The following KLHDC4 variants were observed in gnomAD, a reference collection of about 807,000 sequenced individuals.
The protein encoded by KLHDC4 is kelch domain containing 4.
Under a neutral mutation model 62.4 loss-of-function variants are expected in KLHDC4, and 90 were observed. That is an observed-to-expected ratio of 1.44 (90% CI 1.22 to 1.72). The LOEUF is 1.72. KLHDC4 is among the 40% of genes most tolerant of loss of function. The probability of loss-of-function intolerance (pLI) is 0.00; values close to 1 mark genes in which losing one functional copy is unlikely to be tolerated. For missense variants in KLHDC4, 1,025 were observed against 699.7 expected, an observed-to-expected ratio of 1.47 and a Z score of -5.25; for synonymous variants, 386 against 284.4, an observed-to-expected ratio of 1.36 and a Z score of -3.59.
rs770917413 is a variant in KLHDC4, at chr16:87,709,491, C to T, written c.1221G>A (p.Ser407=). 8.1e-6 allele frequency: 13 copies of T among 1,611,664 alleles called. No individual in the cohort carries two copies. Among genetic ancestry groups the T allele is most frequent in the South Asian group, 4.4e-5 (4 of 91,064 alleles). ...CGTCCTCAGACCGGGGCTGCCCCGC[C>T]GAGCCTGGCGCGGTGAGCACCTGCT... ...TIKQVLTAPG[S]AGQPRSEDED... The change falls in exon 10 of 12, where the codon TCG becomes TCA. Residue 407 remains serine, a synonymous_variant. Transcript: ENST00000270583.
chr16:87,752,167 G>A (rs1339847455), intron 4 of KLHDC4, among the ~76,000 whole-genome samples: 1 of 148,568 alleles, frequency 6.7e-6, no homozygotes, highest in Non-Finnish European at 1.5e-5. Flanking sequence ...AGCTCTCAGG[G>A]AAGCAGAGGC....
rs778785505 is a variant in KLHDC4 at position 87,730,524 on chromosome 16, GAA to G, written c.599+26_599+27del. 4 of 1,574,054 alleles carry G rather than the reference GAA, an allele frequency of 2.5e-6. No individual in the cohort carries two copies. The Admixed American group carries it at 5.5e-5, about 22-fold the overall frequency. On this transcript the variant is annotated intron_variant, in intron 6 of 11. Transcript: ENST00000270583. Reference sequence around the variant, plus strand: ...GCCCACTCCTTAATGCTTCAGGAGAGAAAGATTTTTCCGTTCTTGGTACCAAC... The same window carrying G: ...GCCCACTCCTTAATGCTTCAGGAGAGAGATTTTTCCGTTCTTGGTACCAAC...
intron 3 of KLHDC4, chr16:87,756,030 C>G: frequency 5.7e-6 from 1 of 176,496 alleles, no homozygotes; most frequent in Admixed American, 5.5e-5. Context: ...TAAAAATTAG[C>G]CCTAAAATTT....
Position 87,708,340 on chromosome 16 carries a change from G to A in KLHDC4, c.*1+10C>T, listed in dbSNP as rs538822126. 3 of 1,559,612 alleles carry A rather than the reference G, an allele frequency of 1.9e-6. No individual in the cohort carries two copies. The highest frequency in any genetic ancestry group is 1.1e-5 in the South Asian group (1 of 87,344). Reference sequence around the variant, plus strand: ...GCAGCCGCGCCACCCGCCAGCCCGAGCCCGCTCACCTCAGTCCTCCGCACC... The same window carrying A: ...GCAGCCGCGCCACCCGCCAGCCCGAACCCGCTCACCTCAGTCCTCCGCACC... On this transcript the variant is annotated intron_variant, in intron 11 of 11. Coordinates refer to ENST00000270583, the MANE Select transcript of KLHDC4 (RefSeq NM_017566.4).
chr16:87,704,524 A>C (rs1288442224), downstream of KLHDC4, among the ~76,000 whole-genome samples: 3 of 80,272 alleles, frequency 3.7e-5, no homozygotes, highest in Admixed American at 4.4e-4. Context: ...GCGCCTGGGG[A>C]GGGCCCTGGG....
At chr16:87,713,552 G>C (rs2036308836) in intron 8 of KLHDC4, among the ~76,000 whole-genome samples, 1 of 152,066 alleles carries the variant, frequency 6.6e-6, no homozygotes, top group African/African-American at 2.4e-5. Flanking sequence ...AAAAGTAGCA[G>C]GCCACCCCCA....
chr16:87,755,944 T>TATCATTAAAAAA, intron 3 of KLHDC4: 1 of 162,870 alleles, frequency 6.1e-6, no homozygotes, highest in Non-Finnish European at 1.4e-5. Flanking sequence ...CATCCCGGGC[T>TATCATTAAAAAA]GCAGGGAAGG....
At chr16:87,749,660 T>A (rs1460491308) in intron 4 of KLHDC4, among the ~76,000 whole-genome samples, 1 of 152,014 alleles carries the variant, frequency 6.6e-6, no homozygotes, top group Non-Finnish European at 1.5e-5. Context: ...CATCACTCAC[T>A]GCAGCCTCGA....
intron 5 of KLHDC4, among the ~76,000 whole-genome samples, chr16:87,745,821 T>C (rs1374684481): frequency 2.0e-5 from 3 of 152,126 alleles, no homozygotes; most frequent in African/African-American, 7.2e-5. Context: ...ACATCAGCTG[T>C]CAAAGAACAT....
intron 4 of KLHDC4, among the ~76,000 whole-genome samples, chr16:87,751,301 C>T (rs946811115): frequency 6.6e-6 from 1 of 152,066 alleles, no homozygotes; most frequent in African/African-American, 2.4e-5. Context: ...TGGTGAAACC[C>T]TGTCTGTACT....
chr16:87,745,122 G>C (rs1357688248), intron 5 of KLHDC4, among the ~76,000 whole-genome samples: 1 of 152,210 alleles, frequency 6.6e-6, no homozygotes, highest in African/African-American at 2.4e-5. Flanking sequence ...TGGGGGTCAG[G>C]GGACACGCAC....
At chr16:87,733,078 G>A (rs145846757) in intron 5 of KLHDC4, among the ~76,000 whole-genome samples, 2 of 144,124 alleles carry the variant, frequency 1.4e-5, no homozygotes, top group Admixed American at 6.9e-5. Flanking sequence ...AGCTTTTATC[G>A]GTGAAAAGGC....
At chr16:87,708,626 G>A (rs1012459838) in intron 10 of KLHDC4, 160 bp from the exon 11 acceptor site, 14 of 448,998 alleles carry the variant, frequency 3.1e-5, no homozygotes, top group Non-Finnish European at 5.4e-5. Context: ...GATCCACAAA[G>A]GAAACAGACT....
downstream of KLHDC4, among the ~76,000 whole-genome samples, chr16:87,706,175 A>G: frequency 9.4e-6 from 1 of 106,082 alleles, no homozygotes; most frequent in South Asian, 3.8e-4. Context: ...CACAAGCTGC[A>G]GCCCTCGGGG....
At chr16:87,714,719 T>A in intron 7 of KLHDC4, 146 bp from the exon 8 acceptor site, 2 of 826,326 alleles carry the variant, frequency 2.4e-6, no homozygotes, top group Non-Finnish European at 3.9e-6. Flanking sequence ...GTGCCTGCAG[T>A]GTGCTCAGGG....
chr16:87,763,060 G>A (rs957756130), intron 1 of KLHDC4, among the ~76,000 whole-genome samples: 2 of 152,044 alleles, frequency 1.3e-5, no homozygotes, highest in Admixed American at 1.3e-4. Context: ...ATGTCAGCAG[G>A]GTACACTGCT....
chr16:87,727,105 G>A (rs1193119770), intron 6 of KLHDC4, among the ~76,000 whole-genome samples, 181 bp from the exon 7 acceptor site: 2 of 152,158 alleles, frequency 1.3e-5, no homozygotes, highest in Admixed American at 6.5e-5. Flanking sequence ...CGCTTTCCCT[G>A]CAACGAGCCA....
rs760317824 is a variant in KLHDC4, at chr16:87,709,409, C to T, written c.1303G>A (p.Ala435Thr). Residue 435 changes from alanine to threonine, a missense_variant, in exon 10 of 12, where the codon GCC becomes ACC. Coordinates refer to ENST00000270583, the MANE Select transcript of KLHDC4 (RefSeq NM_017566.4). ...ACCCCATGCTTCACAGCCAGCATGG[C>T]GTTGGAGCGTGGACACGGCCCAGGT... ...PAPGPCPRSNAMLAVKHGVLY... is the reference protein window; with the variant it reads ...PAPGPCPRSNTMLAVKHGVLY... 99 of 1,613,242 alleles carry T rather than the reference C, an allele frequency of 6.1e-5. No individual in the cohort carries two copies. The highest frequency in any genetic ancestry group is 7.8e-5 in the Non-Finnish European group (92 of 1,179,936).
intron 7 of KLHDC4, among the ~76,000 whole-genome samples, chr16:87,721,586 A>G (rs1263535722): frequency 6.6e-6 from 1 of 152,158 alleles, no homozygotes; most frequent in Non-Finnish European, 1.5e-5. Flanking sequence ...CTCAGGGGCC[A>G]GGTGAGCACG....
Sources: allele counts gnomAD v4.1 joint callset (sites outside exome capture counted in the v4.1 genomes callset), GRCh38; gene constraint gnomAD v4.1.1; transcripts MANE v1.5; gene names NCBI Gene and HGNC (gene_info 2026-07-23, HGNC 2026-07-21).